AGBL1: variants seen among roughly 807,000 people sequenced by gnomAD.
The protein encoded by AGBL1 is AGBL carboxypeptidase 1, also known as cytosolic carboxypeptidase 4.
A neutral mutation model predicts 118.9 loss-of-function variants in AGBL1; 130 were observed. The observed-to-expected ratio is 1.09, with a 90% confidence interval of 0.95 to 1.26. The LOEUF (loss-of-function observed/expected upper bound fraction) is 1.26. Ranked by LOEUF, AGBL1 falls within the 50% of genes most tolerant of loss-of-function variation. The pLI, the probability that AGBL1 is intolerant of heterozygous loss-of-function variation, is 0.00. For synonymous variants in AGBL1, 555 were observed against 478.9 expected, an observed-to-expected ratio of 1.16 and a Z score of -2.08; for missense variants, 1,584 against 1,298.1, an observed-to-expected ratio of 1.22 and a Z score of -3.38.
chr15:86,545,426 G>A (rs187044663), intron 19 of AGBL1, among the ~76,000 whole-genome samples: 23 of 151,936 alleles, frequency 1.5e-4, no homozygotes, highest in Admixed American at 7.2e-4. Flanking sequence ...CAAGTTCAGG[G>A]GTACAAGTAC....
chr15:86,353,149 T>A (rs1161530837), intron 17 of AGBL1, among the ~76,000 whole-genome samples: 1 of 152,208 alleles, frequency 6.6e-6, no homozygotes, highest in Non-Finnish European at 1.5e-5. Flanking sequence ...ACAATTCATA[T>A]ATCCATTGTA....
chr15:86,224,532 G>T (rs975824943), intron 5 of AGBL1, among the ~76,000 whole-genome samples: 8 of 152,034 alleles, frequency 5.3e-5, no homozygotes, highest in African/African-American at 1.9e-4. Flanking sequence ...CTCCTTCCCA[G>T]ACCATCCTCC....
chr15:86,593,063 G>A (rs374795658), intron 21 of AGBL1, among the ~76,000 whole-genome samples: 6 of 152,130 alleles, frequency 3.9e-5, no homozygotes, highest in African/African-American at 1.4e-4. Context: ...TCTGCAGTAC[G>A]GATTCATGGA....
At chr15:86,536,546 T>C (rs2083428600) in intron 19 of AGBL1, among the ~76,000 whole-genome samples, 1 of 152,184 alleles carries the variant, frequency 6.6e-6, no homozygotes, top group African/African-American at 2.4e-5. Context: ...CTTGACCTCA[T>C]GATCTGCCCG....
intron 18 of AGBL1, among the ~76,000 whole-genome samples, chr15:86,420,285 T>C (rs1283727724): frequency 2.6e-5 from 4 of 152,142 alleles, no homozygotes; most frequent in Admixed American, 1.3e-4. Context: ...CAGCAATCTT[T>C]GCTGTTCTGC....
At chr15:86,185,975 C>A (rs766826295) in intron 5 of AGBL1, among the ~76,000 whole-genome samples, 12 of 151,968 alleles carry the variant, frequency 7.9e-5, no homozygotes, top group Non-Finnish European at 1.8e-4. Context: ...CTCTCAAGTT[C>A]AGCTTTTGTT....
intron 21 of AGBL1, among the ~76,000 whole-genome samples, chr15:86,576,104 T>C (rs1243624274): frequency 6.6e-6 from 1 of 152,224 alleles, no homozygotes. Flanking sequence ...GACTTTAGCA[T>C]TTCTGCATGC....
At chr15:86,520,817 C>T (rs1474765762) in intron 18 of AGBL1, among the ~76,000 whole-genome samples, 2 of 152,130 alleles carry the variant, frequency 1.3e-5, no homozygotes, top group Non-Finnish European at 2.9e-5. Context: ...GGATGTTGTG[C>T]CTGCAAGTAC....
intron 16 of AGBL1, among the ~76,000 whole-genome samples, chr15:86,281,840 T>A (rs987188379): frequency 1.3e-5 from 2 of 152,152 alleles, no homozygotes; most frequent in African/African-American, 4.8e-5. Context: ...TATGAGTCCA[T>A]GTAGTCATCA....
In AGBL1 at chr15:86,248,822, A is replaced by T. The variant is rs73449532; in HGVS notation, c.735+943A>T. ...TGTGAAATCAATGAAGTAAGGGCAT[A>T]GGTCTACAGGGGCTGCCATAGGTAG... On this transcript the variant is annotated intron_variant, in intron 7 of 22. Transcript: ENST00000614907. 6.0e-3 allele frequency among the ~76,000 whole-genome samples: 908 copies of T among 152,330 alleles called. 7 individuals carry two copies. The highest frequency in any genetic ancestry group is 0.021 in the African/African-American group (871 of 41,578).
intron 20 of AGBL1, among the ~76,000 whole-genome samples, chr15:86,552,054 T>C (rs982871887): frequency 6.6e-6 from 1 of 152,150 alleles, no homozygotes; most frequent in African/African-American, 2.4e-5. Context: ...ACTGTAATAT[T>C]GAGTACACAT....
In AGBL1 at chr15:86,402,835, A is replaced by T. The variant is rs538662695; in HGVS notation, c.2555+5289A>T. On this transcript the variant is annotated intron_variant, in intron 18 of 22. Transcript: ENST00000614907. ...GCCAAGCCAAGGATCTCTTAGCAAC[A>T]CATGTCTGAACAGGGAAAGAAAATA... 1.5e-3 allele frequency among the ~76,000 whole-genome samples: 235 copies of T among 152,224 alleles called. 6 individuals are homozygous for T. The South Asian group carries it at 0.047, about 30-fold the overall frequency.
chr15:86,619,271 TACCAGTG>T (rs1345446843), intron 21 of AGBL1, among the ~76,000 whole-genome samples: 1 of 151,982 alleles, frequency 6.6e-6, no homozygotes, highest in Non-Finnish European at 1.5e-5. Flanking sequence ...GCCTTTAATT[TACCAGTG>T]ACCCATCTAC....
chr15:86,684,826 C>A (rs1425543894), intron 22 of AGBL1, among the ~76,000 whole-genome samples: 1 of 152,126 alleles, frequency 6.6e-6, no homozygotes, highest in Non-Finnish European at 1.5e-5. Flanking sequence ...TACTGACACC[C>A]TCACATTCTA....
At chr15:86,598,630 C>T (rs1044471466) in intron 21 of AGBL1, among the ~76,000 whole-genome samples, 1 of 152,062 alleles carries the variant, frequency 6.6e-6, no homozygotes, top group Admixed American at 6.6e-5. Context: ...AGTTAGGGAT[C>T]ACTCTTTTAG....
intron 22 of AGBL1, among the ~76,000 whole-genome samples, chr15:86,739,550 G>C (rs1276432765): frequency 6.7e-6 from 1 of 148,722 alleles, no homozygotes; most frequent in Non-Finnish European, 1.5e-5. Context: ...AGACATGTGA[G>C]AGTAACAGGT....
chr15:87,026,679 T>G (rs1308941860), intron 24 of AGBL1, among the ~76,000 whole-genome samples: 1 of 151,044 alleles, frequency 6.6e-6, no homozygotes, highest in Non-Finnish European at 1.5e-5. Flanking sequence ...AAAAAGATAC[T>G]TGCACACACA....
intron 6 of AGBL1, among the ~76,000 whole-genome samples, chr15:86,232,711 T>C (rs1227193217): frequency 6.6e-6 from 1 of 152,152 alleles, no homozygotes; most frequent in African/African-American, 2.4e-5. Context: ...CTAGAACATC[T>C]TGTAGTTACG....
At position 86,927,379 on chromosome 15, in the gene AGBL1, A is replaced by G. The variant is rs2080554249; in HGVS notation, c.3222-60608A>G. Among the ~76,000 whole-genome samples, 3 of 151,356 alleles carry G rather than the reference A, an allele frequency of 2.0e-5. No homozygotes were observed. In the South Asian group the frequency reaches 6.3e-4, roughly 32 times the overall value. ...TGAGGTGGGAGGATCACTTGAAGCC[A>G]GGAGTTTGACACCAGCCTGGGCAAT... is the stretch of plus-strand genomic sequence containing the variant. On this transcript the variant is annotated intron_variant, in intron 23 of 24. Transcript: ENST00000441037.
Sources: gnomAD v4.1 joint callset for allele counts (sites outside exome capture counted in the v4.1 genomes callset) on GRCh38, gnomAD v4.1.1 for gene constraint, MANE v1.5 for transcripts, NCBI Gene and HGNC (gene_info 2026-07-23, HGNC 2026-07-21) for gene names.